The following FSTL4 variants were observed in gnomAD, a reference collection of about 807,000 sequenced individuals.
FSTL4 encodes follistatin-related protein 4.
A neutral mutation model predicts 78.2 loss-of-function variants in FSTL4; 28 were observed. That is an observed-to-expected ratio of 0.36 (90% confidence interval 0.27 to 0.49). The LOEUF (loss-of-function observed/expected upper bound fraction) is 0.49. FSTL4 is among the 20% of genes least tolerant of loss of function. FSTL4 has a pLI of 0.98. For missense variants in FSTL4, 922 were observed against 1,084.9 expected (o/e 0.85, Z 2.11); for synonymous variants, 422 against 440.5 (o/e 0.96, Z 0.53).
chr5:133,637,302 GTAACGTCATCTACGACCTCCCCATTGC>G, the FSTL4 span, among the ~76,000 whole-genome samples: 1 of 151,914 alleles, frequency 6.6e-6, no homozygotes, highest in Non-Finnish European at 1.5e-5. Flanking sequence ...AACTCATCTT[GTAACGTCATCTACGACCTCCCCATTGC>G]TATTAATACA....
chr5:133,248,726 C>T (rs1299566261), intron 7 of FSTL4: 1 of 152,212 alleles, frequency 6.6e-6, no homozygotes, highest in Non-Finnish European at 1.5e-5. Context: ...ACAGACGTAC[C>T]CCCTGATGGC....
chr5:133,447,365 C>A (rs532081050), intron 3 of FSTL4, among the ~76,000 whole-genome samples: 86 of 152,314 alleles, frequency 5.6e-4, no homozygotes, highest in Middle Eastern at 6.8e-3. Flanking sequence ...CAGAATAGTA[C>A]CTGATGCATC....
intron 6 of FSTL4, among the ~76,000 whole-genome samples, chr5:133,306,439 T>C (rs896669529): frequency 6.6e-6 from 1 of 152,230 alleles, no homozygotes; most frequent in Non-Finnish European, 1.5e-5. Flanking sequence ...GAGAGCTTTC[T>C]AGTGTGAGTT....
chr5:133,316,692 C>T (rs373449721), intron 4 of FSTL4, 40 bp from the exon 5 acceptor site: 78 of 1,541,306 alleles, frequency 5.1e-5, no homozygotes, highest in African/African-American at 1.5e-4. Context: ...AGACTTATCC[C>T]GTGGTCTTGA....
At chr5:133,422,559 GA>G (rs58139907) in intron 3 of FSTL4, among the ~76,000 whole-genome samples, 73 of 148,010 alleles carry the variant, frequency 4.9e-4, no homozygotes, top group Middle Eastern at 6.9e-3. Flanking sequence ...GGTTTGGAAG[GA>G]AAAAAAAAAA....
chr5:133,266,233 C>T (rs11950992), intron 6 of FSTL4, among the ~76,000 whole-genome samples: 12,544 of 152,328 alleles, frequency 0.082, 1,586 homozygotes, highest in African/African-American at 0.27. Context: ...CCAGGGTACA[C>T]AGACCACAGC....
At chr5:133,804,549 G>T in the FSTL4 span, among the ~76,000 whole-genome samples, 1 of 152,210 alleles carries the variant, frequency 6.6e-6, no homozygotes, top group Admixed American at 6.5e-5. Context: ...AACAAGCCAT[G>T]AAACAGTCTG....
chr5:133,267,806 A>G (rs1287458499), intron 6 of FSTL4, among the ~76,000 whole-genome samples: 1 of 152,170 alleles, frequency 6.6e-6, no homozygotes. Flanking sequence ...TCCAGAGAAC[A>G]GGAAGAAGGT....
rs1298025956 is a variant in FSTL4 at position 133,414,158 on chromosome 5, T to C, written c.161-13172A>G. Among the ~76,000 whole-genome samples, 8 of 152,274 alleles carry C rather than the reference T, an allele frequency of 5.3e-5. No homozygotes were observed. In the East Asian group the frequency reaches 1.5e-3, roughly 29 times the overall value. ...CTCCACCATTCTGGGTTAAACTAAATTTTATGTTTGAGATTTTTCAGGTTA... is the reference window on the plus strand; with the variant it reads ...CTCCACCATTCTGGGTTAAACTAAACTTTATGTTTGAGATTTTTCAGGTTA... On this transcript the variant is annotated intron_variant, in intron 3 of 15. Coordinates refer to ENST00000265342, the MANE Select transcript of FSTL4 (RefSeq NM_015082.2).
chr5:133,205,940 C>T (rs148371866), intron 14 of FSTL4, among the ~76,000 whole-genome samples: 21 of 152,272 alleles, frequency 1.4e-4, no homozygotes, highest in African/African-American at 4.1e-4. Flanking sequence ...CAAACTAGCG[C>T]AACCCCACAA....
chr5:133,276,837 T>G (rs192733927), intron 6 of FSTL4, among the ~76,000 whole-genome samples: 30 of 152,302 alleles, frequency 2.0e-4, no homozygotes, highest in African/African-American at 6.7e-4. Context: ...AGGTGGCATA[T>G]TCTTACAACA....
intron 13 of FSTL4, among the ~76,000 whole-genome samples, chr5:133,216,967 G>T (rs1373520036): frequency 6.6e-6 from 1 of 152,130 alleles, no homozygotes; most frequent in African/African-American, 2.4e-5. Context: ...GTTTTTCATA[G>T]TCCTTATTAC....
At chr5:133,390,620 C>G (rs2126960738) in intron 4 of FSTL4, among the ~76,000 whole-genome samples, 1 of 152,358 alleles carries the variant, frequency 6.6e-6, no homozygotes, top group East Asian at 1.9e-4. Flanking sequence ...GGACTCAACT[C>G]CACAGACCTT....
chr5:133,624,743 A>G, the FSTL4 span, among the ~76,000 whole-genome samples: 1 of 150,116 alleles, frequency 6.7e-6, no homozygotes, highest in African/African-American at 2.4e-5. Flanking sequence ...ATTCCTTACA[A>G]TTTTTCTTTT....
intron 3 of FSTL4, among the ~76,000 whole-genome samples, chr5:133,493,298 T>C (rs1229064911): frequency 6.6e-6 from 1 of 152,186 alleles, no homozygotes; most frequent in Non-Finnish European, 1.5e-5. Context: ...ATCCTGTATA[T>C]TCTGGTGTGG....
rs1040822626 is a variant in FSTL4 at position 133,201,111 on chromosome 5, C to G, written c.1826+822G>C. 1.3e-4 allele frequency among the ~76,000 whole-genome samples: 20 copies of G among 152,172 alleles called. 1 individual carries two copies. ...CATCTCCAGCAACAACTTGCAAAAA[C>G]GAATCATTTCTTTCTGCAGAGAGGT... On this transcript the variant is annotated intron_variant, in intron 15 of 15. Coordinates refer to ENST00000265342, the MANE Select transcript of FSTL4 (RefSeq NM_015082.2).
chr5:133,335,066 A>G (rs940295199), intron 4 of FSTL4, among the ~76,000 whole-genome samples: 2 of 152,206 alleles, frequency 1.3e-5, no homozygotes, highest in Non-Finnish European at 2.9e-5. Context: ...ACTGTGAGCA[A>G]GGCTCCCGAA....
At chr5:133,712,549 G>A in the FSTL4 span, among the ~76,000 whole-genome samples, 3 of 152,174 alleles carry the variant, frequency 2.0e-5, no homozygotes, top group Admixed American at 6.5e-5. Flanking sequence ...CGTAAAGTGG[G>A]GATTAATGAG....
chr5:133,463,385 G>A (rs1481454219), intron 3 of FSTL4, among the ~76,000 whole-genome samples: 1 of 152,034 alleles, frequency 6.6e-6, no homozygotes, highest in South Asian at 2.1e-4. Context: ...ACCAAACTAA[G>A]CCCTCTTGGT....
Sources: allele counts gnomAD v4.1 joint callset (sites outside exome capture counted in the v4.1 genomes callset), GRCh38; gene constraint gnomAD v4.1.1; transcripts MANE v1.5; gene names NCBI Gene and HGNC (gene_info 2026-07-23, HGNC 2026-07-21).